The following MNAT1 variants were observed in gnomAD, a reference collection of about 807,000 sequenced individuals.
The protein encoded by MNAT1 is MNAT1 component of CDK activating kinase.
A neutral mutation model predicts 42.0 loss-of-function variants in MNAT1; 43 were observed. The ratio of observed to expected loss-of-function variants is 1.02; its 90% CI spans 0.80 to 1.32. The LOEUF (loss-of-function observed/expected upper bound fraction) is 1.32, where lower values mean the gene tolerates loss of function less well. MNAT1 is among the 40% of genes most tolerant of loss of function. The pLI is 0.00. For synonymous variants in MNAT1, 118 were observed against 120.0 expected (o/e 0.98, Z 0.11); for missense variants, 306 against 350.4 (o/e 0.87, Z 1.01).
chr14:60,866,956 G>A (rs974659413), intron 6 of MNAT1, among the ~76,000 whole-genome samples: 2 of 151,988 alleles, frequency 1.3e-5, no homozygotes, highest in African/African-American at 2.4e-5. Flanking sequence ...ACATTTTTCT[G>A]TGTGGAACAC....
chr14:60,912,284 G>GTC (rs1278562721), intron 7 of MNAT1, among the ~76,000 whole-genome samples: 5 of 151,980 alleles, frequency 3.3e-5, no homozygotes, highest in African/African-American at 1.2e-4. Context: ...CAGTTTGCCA[G>GTC]TGTGTGTCTT....
At chr14:60,742,087 TA>T (rs1473886291) in intron 1 of MNAT1, among the ~76,000 whole-genome samples, 3 of 152,036 alleles carry the variant, frequency 2.0e-5, no homozygotes, top group South Asian at 2.1e-4. Flanking sequence ...TATTTATTTT[TA>T]TTTTTTTTTA....
At chr14:60,855,252 G>A (rs2033926511) in intron 6 of MNAT1, among the ~76,000 whole-genome samples, 1 of 152,070 alleles carries the variant, frequency 6.6e-6, no homozygotes, top group African/African-American at 2.4e-5. Flanking sequence ...CCTAGGCTCT[G>A]TGGGAGTGGG....
At chr14:60,906,057 G>A (rs575689092) in intron 7 of MNAT1, among the ~76,000 whole-genome samples, 14 of 152,272 alleles carry the variant, frequency 9.2e-5, no homozygotes, top group Middle Eastern at 3.4e-3. Flanking sequence ...TTGTAAGATG[G>A]TATTTTAGCA....
intron 7 of MNAT1, among the ~76,000 whole-genome samples, chr14:60,916,071 A>G (rs1566555484): frequency 6.6e-6 from 1 of 152,184 alleles, no homozygotes; most frequent in East Asian, 1.9e-4. Flanking sequence ...TTCCTTAGGA[A>G]GGCTTAGTTG....
chr14:60,868,365 T>C (rs2034251036), intron 6 of MNAT1, among the ~76,000 whole-genome samples: 1 of 152,194 alleles, frequency 6.6e-6, no homozygotes, highest in South Asian at 2.1e-4. Context: ...TTGGAGATAC[T>C]TTCTTTGGAA....
intron 7 of MNAT1, among the ~76,000 whole-genome samples, chr14:60,963,114 T>C (rs1354396941): frequency 6.6e-6 from 1 of 152,200 alleles, no homozygotes; most frequent in African/African-American, 2.4e-5. Context: ...CCTGAGTAGC[T>C]GGGATTACAG....
intron 2 of MNAT1, among the ~76,000 whole-genome samples, chr14:60,797,059 C>G (rs2032042261): frequency 6.6e-6 from 1 of 151,910 alleles, no homozygotes; most frequent in Admixed American, 6.6e-5. Flanking sequence ...AGGCTTTACT[C>G]TTTACTCTTT....
At chr14:60,892,362 A>G (rs1307139318) in intron 7 of MNAT1, among the ~76,000 whole-genome samples, 1 of 152,146 alleles carries the variant, frequency 6.6e-6, no homozygotes, top group Non-Finnish European at 1.5e-5. Flanking sequence ...TGTCTTATGA[A>G]CACTTAAAGT....
intron 1 of MNAT1, among the ~76,000 whole-genome samples, chr14:60,774,597 C>A (rs1026737169): frequency 2.0e-5 from 3 of 152,030 alleles, no homozygotes; most frequent in Admixed American, 6.6e-5. Context: ...GATAAGTAGT[C>A]GAAGTAAGGA....
chr14:60,791,786 A>G (rs1453315646), intron 1 of MNAT1, among the ~76,000 whole-genome samples: 1 of 152,152 alleles, frequency 6.6e-6, no homozygotes, highest in East Asian at 1.9e-4. Flanking sequence ...AAAATTACAA[A>G]TATCTGGGCT....
At chr14:60,845,579 G>A (rs2139408249) in intron 6 of MNAT1, among the ~76,000 whole-genome samples, 1 of 152,046 alleles carries the variant, frequency 6.6e-6, no homozygotes, top group Middle Eastern at 3.4e-3. Context: ...TTAAGCATAT[G>A]ATTTAATAAT....
rs965505746 is a variant in MNAT1, at chr14:60,930,378, A to G, written c.810-37851A>G. On this transcript the variant is annotated intron_variant, in intron 7 of 7. Transcript: ENST00000261245. Reference sequence around the variant, plus strand: ...ATCCCACAATGCCTTGATGGCACAGATGTTCTGAAATGACTTCTTAAACTG... The same window carrying G: ...ATCCCACAATGCCTTGATGGCACAGGTGTTCTGAAATGACTTCTTAAACTG... Among the ~76,000 whole-genome samples, 14 of 151,926 alleles carry G rather than the reference A, an allele frequency of 9.2e-5. 1 individual carries two copies. Among genetic ancestry groups the G allele is most frequent in the Non-Finnish European group, 1.0e-4 (7 of 67,984 alleles).
At chr14:60,808,459 GT>G in intron 4 of MNAT1, 31 bp downstream of exon 4, 2 of 1,299,458 alleles carry the variant, frequency 1.5e-6, no homozygotes, top group Non-Finnish European at 2.1e-6. Context: ...TTCTTATTTT[GT>G]CTTAGAAACA....
chr14:60,916,816 G>A (rs528188441), intron 7 of MNAT1, among the ~76,000 whole-genome samples: 16 of 152,196 alleles, frequency 1.1e-4, no homozygotes, highest in African/African-American at 2.6e-4. Flanking sequence ...AGCCAGGTGC[G>A]GTTGTGCATG....
At chr14:60,900,552 C>T (rs2035052301) in intron 7 of MNAT1, among the ~76,000 whole-genome samples, 1 of 152,130 alleles carries the variant, frequency 6.6e-6, no homozygotes, top group African/African-American at 2.4e-5. Context: ...AGGAAGGATG[C>T]CATTTCCGTA....
chr14:60,890,082 C>G (rs1262182457), intron 7 of MNAT1, among the ~76,000 whole-genome samples: 1 of 152,120 alleles, frequency 6.6e-6, no homozygotes, highest in Admixed American at 6.5e-5. Context: ...ACCATTTGAC[C>G]CAGCCATCCC....
At chr14:60,951,321 A>G (rs8016715) in intron 7 of MNAT1, among the ~76,000 whole-genome samples, 133,684 of 143,838 alleles carry the variant, frequency 0.93, 61,911 homozygotes, top group Non-Finnish European at 0.99. Context: ...TATTGTTATT[A>G]TTGTTTTTGG....
chr14:60,931,880 A>G (rs4151362), intron 7 of MNAT1, among the ~76,000 whole-genome samples: 142,257 of 151,964 alleles, frequency 0.94, 66,972 homozygotes, highest in Non-Finnish European at 0.99. Flanking sequence ...TGGTGAATTA[A>G]TTATATACTC....
Sources: allele counts gnomAD v4.1 joint callset (sites outside exome capture counted in the v4.1 genomes callset), GRCh38; gene constraint gnomAD v4.1.1; transcripts MANE v1.5; gene names NCBI Gene and HGNC (gene_info 2026-07-23, HGNC 2026-07-21).